Variants in BCORL1 observed in about 807,000 individuals in gnomAD.
BCORL1 encodes the protein BCL6 corepressor like 1.
A neutral mutation model predicts 87.6 loss-of-function variants in BCORL1; 7 were observed. The observed-to-expected ratio is 0.08, with a 90% CI of 0.05 to 0.15. BCORL1 has a LOEUF of 0.15. Ranked by LOEUF, BCORL1 falls within the 10% of genes least tolerant of loss-of-function variation. The pLI is 1.00. For synonymous variants in BCORL1, 591 were observed against 634.4 expected (o/e 0.93, Z 1.03); for missense variants, 1,215 against 1,499.7 (o/e 0.81, Z 3.13).
intron 1 of BCORL1, among the ~76,000 whole-genome samples, chrX:129,987,633 G>A (rs1276795580): frequency 2.7e-5 from 3 of 111,871 alleles, no homozygotes; most frequent in Non-Finnish European, 5.6e-5. Context: ...CAGGAGATGA[G>A]TGATGGAAAT....
chrX:130,037,526 G>A lies in BCORL1; in HGVS notation c.4687G>A (p.Gly1563Ser). Reference protein sequence around the residue: ...GANVNCSAQDGTRPVHDAVVN... With the variant: ...GANVNCSAQDSTRPVHDAVVN... ...CAACGTGAACTGCAGTGCGCAGGAC[G>A]GCACGAGGCAAGAGGGCTGCATCTC... Residue 1563 changes from glycine to serine, a missense_variant, in exon 10 of 14, where the codon GGC becomes AGC. Gly to Ser is a moderately conservative substitution (Grantham distance 56, BLOSUM62 0). Transcript: ENST00000540052. 1 of 1,204,022 alleles carries A rather than the reference G, an allele frequency of 8.3e-7. No individual in the cohort carries two copies. Among genetic ancestry groups the A allele is most frequent in the Non-Finnish European group, 1.1e-6 (1 of 890,606 alleles).
At position 130,050,643 on chromosome X, in the gene BCORL1, A is replaced by G. The variant is rs916307800; in HGVS notation, c.4841-74A>G. The G allele has an allele frequency of 2.1e-5, 19 of 887,719 alleles. No homozygotes were observed. In the African/African-American group the frequency reaches 3.8e-4, roughly 18 times the overall value. The allele number at this position is 887,719 out of a possible 1,213,427, so 73.2% of individuals were successfully genotyped here. A position where few individuals can be genotyped will look rare whatever the true frequency, so the allele number is the denominator to read the frequency against. ...CCTTCTCCCATTCCCTTAGCCCCGTATGCATGGACTTCACTTGGACATTCC... is the reference window on the plus strand; with the variant it reads ...CCTTCTCCCATTCCCTTAGCCCCGTGTGCATGGACTTCACTTGGACATTCC... On this transcript the variant is annotated intron_variant, in intron 11 of 13. Transcript: ENST00000540052.
Position 130,025,158 on chromosome X carries a change from C to A in BCORL1, c.3857C>A (p.Ser1286Tyr). The change falls in exon 7 of 14, where the codon TCT becomes TAT. Residue 1286 changes from serine to tyrosine, a missense_variant. By Grantham distance (144) the Ser-to-Tyr change is moderately radical. Transcript: ENST00000540052. ...CGCAGCCACCATGCCCAGGACAAGT[C>A]TCTGCTGAGCCAGGGCCGAAGGCAC... Reference protein sequence around the residue: ...QYRSHHAQDKSLLSQGRRHLW... With the variant: ...QYRSHHAQDKYLLSQGRRHLW... 1 of 1,212,015 alleles carries A rather than the reference C, an allele frequency of 8.3e-7. No homozygotes were observed. Among genetic ancestry groups the A allele is most frequent in the Non-Finnish European group, 1.1e-6 (1 of 895,583 alleles).
In BCORL1 at chrX:130,057,623, A is replaced by ATT. The variant is rs1212116177; in HGVS notation, c.*1488_*1489insTT. The ATT allele has an allele frequency of 9.1e-6, 1 of 110,295 alleles. No individual in the cohort carries two copies. 9.1% of individuals were successfully genotyped at this position (110,295 alleles called of 1,213,427 possible). On this transcript the variant is annotated 3_prime_UTR_variant, in exon 14 of 14. Coordinates refer to ENST00000540052, the MANE Select transcript of BCORL1 (RefSeq NM_001379451.1). ...TAAAACAACAACAACAAAAAAGAAA[A>ATT]TGGAAAAAAAAAAGATTAAAAAAAA...
chrX:130,018,087 A>G (rs1457301000), intron 4 of BCORL1, among the ~76,000 whole-genome samples: 1 of 112,374 alleles, frequency 8.9e-6, no homozygotes, highest in Non-Finnish European at 1.9e-5. Context: ...CCCTGGAGCC[A>G]GACACGGAGC....
At chrX:130,032,037 CAG>C (rs760364491) in intron 8 of BCORL1, among the ~76,000 whole-genome samples, 2 of 111,813 alleles carry the variant, frequency 1.8e-5, no homozygotes, top group East Asian at 5.6e-4. Context: ...TGGTAGAAGA[CAG>C]AGGATTGAAC....
In BCORL1 at chrX:130,005,155, C is replaced by T. The variant is rs1928384904; in HGVS notation, c.-44-33C>T. 1.8e-5 allele frequency: 16 copies of T among 883,705 alleles called. No individual in the cohort carries two copies. In the East Asian group the frequency reaches 5.1e-4, roughly 28 times the overall value. 72.8% of individuals were successfully genotyped at this position (883,705 alleles called of 1,213,427 possible). A position where few individuals can be genotyped will look rare whatever the true frequency, so the allele number is the denominator to read the frequency against. On this transcript the variant is annotated intron_variant, in intron 1 of 13. Coordinates refer to ENST00000540052, the MANE Select transcript of BCORL1 (RefSeq NM_001379451.1). Reference sequence around the variant, plus strand: ...GTGATTGAAGCAGCTGTCCCTGTTACGAGTTTTGATTTTCTGGAATTCTTT... The same window carrying T: ...GTGATTGAAGCAGCTGTCCCTGTTATGAGTTTTGATTTTCTGGAATTCTTT...
At chrX:130,054,746 T>C (rs1346657531) in intron 13 of BCORL1, among the ~76,000 whole-genome samples, 1 of 110,205 alleles carries the variant, frequency 9.1e-6, no homozygotes, top group African/African-American at 3.3e-5. Flanking sequence ...ACCCCATCTC[T>C]ACTAAAATAC....
intron 7 of BCORL1, among the ~76,000 whole-genome samples, chrX:130,025,592 C>T (rs1930198918): frequency 9.0e-6 from 1 of 111,181 alleles, no homozygotes. Flanking sequence ...GAGCGGAGGA[C>T]ATGAAGGCCC....
At chrX:130,022,846 C>G (rs909759339) in intron 5 of BCORL1, 51 bp from the exon 6 acceptor site, 1 of 1,100,699 alleles carries the variant, frequency 9.1e-7, no homozygotes, top group African/African-American at 1.8e-5. Flanking sequence ...GGTCTTTAAG[C>G]TTTGATTGTA....
intron 2 of BCORL1, among the ~76,000 whole-genome samples, chrX:130,008,419 A>G (rs1928679822): frequency 9.1e-6 from 1 of 110,342 alleles, no homozygotes; most frequent in South Asian, 3.9e-4. Flanking sequence ...ATGCGCCACC[A>G]CACCCGGCTA....
intron 9 of BCORL1, among the ~76,000 whole-genome samples, chrX:130,036,160 A>G (rs1013509177): frequency 2.7e-5 from 3 of 112,947 alleles, no homozygotes; most frequent in African/African-American, 9.6e-5. Flanking sequence ...CATGCTAGCT[A>G]GGGTGCTTCA....
chrX:130,028,136 A>G (rs1002210372), intron 7 of BCORL1, among the ~76,000 whole-genome samples: 6 of 111,389 alleles, frequency 5.4e-5, no homozygotes, highest in Non-Finnish European at 1.1e-4. Context: ...GTGTCCTCGG[A>G]GAGTGACAAA....
intron 11 of BCORL1, among the ~76,000 whole-genome samples, chrX:130,042,707 C>T (rs1053640937): frequency 2.7e-5 from 3 of 111,774 alleles, no homozygotes; most frequent in African/African-American, 6.5e-5. Flanking sequence ...CGTGGTGGCT[C>T]ACCCCTGTAA....
intron 9 of BCORL1, 86 bp from the exon 10 acceptor site, chrX:130,037,281 A>G (rs1931011529): frequency 4.1e-6 from 4 of 987,592 alleles, no homozygotes; most frequent in Admixed American, 2.2e-5. Flanking sequence ...GACTCCTCAG[A>G]TATTTGGGGA....
At position 130,028,436 on chromosome X, in the gene BCORL1, ATGT is replaced by A. The variant is rs1280795986; in HGVS notation, c.4079-196_4079-194del. Among the ~76,000 whole-genome samples the A allele has an allele frequency of 2.7e-5, 3 of 109,778 alleles. No homozygotes were observed. In the East Asian group the frequency reaches 8.7e-4, roughly 32 times the overall value. Reference sequence around the variant, plus strand: ...TCCTGCTTGTAGATGAGGGACTTCGATGTTGAAGTATGGTGTGTTCATTCAAGA... The same window carrying A: ...TCCTGCTTGTAGATGAGGGACTTCGATGAAGTATGGTGTGTTCATTCAAGA... On this transcript the variant is annotated intron_variant, in intron 7 of 13. Coordinates refer to ENST00000540052, the MANE Select transcript of BCORL1 (RefSeq NM_001379451.1).
intron 1 of BCORL1, among the ~76,000 whole-genome samples, chrX:130,000,751 C>T (rs925209634): frequency 6.2e-5 from 7 of 112,509 alleles, no homozygotes; most frequent in African/African-American, 2.3e-4. Context: ...ACATCAGTTA[C>T]CTGCAATTAC....
chrX:130,003,986 A>C (rs754101427), intron 1 of BCORL1, among the ~76,000 whole-genome samples: 1 of 112,207 alleles, frequency 8.9e-6, no homozygotes, highest in Admixed American at 9.5e-5. Flanking sequence ...AACAGCATTC[A>C]ATTCTGATCA....
intron 4 of BCORL1, among the ~76,000 whole-genome samples, chrX:130,020,644 G>A (rs1042388041): frequency 1.1e-4 from 12 of 112,201 alleles, no homozygotes; most frequent in African/African-American, 3.2e-4. Flanking sequence ...GTTTAATGCC[G>A]GTCTCTCCAT....
Sources: gnomAD v4.1 joint callset for allele counts (sites outside exome capture counted in the v4.1 genomes callset) on GRCh38, gnomAD v4.1.1 for gene constraint, MANE v1.5 for transcripts, NCBI Gene and HGNC (gene_info 2026-07-23, HGNC 2026-07-21) for gene names.